The following UNC5B variants were observed in gnomAD, a reference collection of about 807,000 sequenced individuals.
UNC5B encodes unc-5 netrin receptor B, also known as netrin receptor UNC5B.
Under a neutral mutation model 103.7 loss-of-function variants are expected in UNC5B, and 56 were observed. That is an observed-to-expected ratio of 0.54 (90% confidence interval 0.44 to 0.67). The LOEUF (loss-of-function observed/expected upper bound fraction) is 0.67, where lower values mean the gene tolerates loss of function less well. UNC5B is among the 30% of genes least tolerant of loss of function. UNC5B has a pLI of 0.00. For synonymous variants in UNC5B, 577 were observed against 542.0 expected (o/e 1.06, Z -0.90); for missense variants, 1,194 against 1,284.5 (o/e 0.93, Z 1.08).
At chr10:71,286,190 C>T (rs563156641) in intron 4 of UNC5B, among the ~76,000 whole-genome samples, 12 of 152,290 alleles carry the variant, frequency 7.9e-5, no homozygotes, top group African/African-American at 2.9e-4. Flanking sequence ...CCAGTGGCCA[C>T]CTAGGGTGAG....
At chr10:71,251,084 C>T (rs1264047146) in intron 1 of UNC5B, among the ~76,000 whole-genome samples, 1 of 152,132 alleles carries the variant, frequency 6.6e-6, no homozygotes. Flanking sequence ...AGTAGTTGTA[C>T]CAAGGTATTG....
chr10:71,225,655 C>A (rs1346056266), intron 1 of UNC5B, among the ~76,000 whole-genome samples: 2 of 152,212 alleles, frequency 1.3e-5, no homozygotes, highest in Non-Finnish European at 2.9e-5. Context: ...CAGGCAGGAC[C>A]AGCAGGGAGT....
At chr10:71,291,361 G>T (rs1459532323) in intron 9 of UNC5B, 71 bp from the exon 10 acceptor site, 1 of 1,523,232 alleles carries the variant, frequency 6.6e-7, no homozygotes, top group Admixed American at 2.1e-5. Context: ...ATTTGGGTGG[G>T]ATTTTGCAGT....
chr10:71,296,112 T>C (rs943693409), intron 14 of UNC5B, 152 bp downstream of exon 14: 3 of 1,206,080 alleles, frequency 2.5e-6, no homozygotes, highest in Non-Finnish European at 3.4e-6. Context: ...CCCCAGTCTC[T>C]AGGCTTTCAG....
intron 1 of UNC5B, among the ~76,000 whole-genome samples, chr10:71,258,208 C>T (rs1479875898): frequency 6.6e-6 from 1 of 152,232 alleles, no homozygotes; most frequent in Non-Finnish European, 1.5e-5. Context: ...ATGTTGGGCT[C>T]TTTCCACTGA....
At chr10:71,242,929 C>A (rs1843939053) in intron 1 of UNC5B, among the ~76,000 whole-genome samples, 1 of 152,158 alleles carries the variant, frequency 6.6e-6, no homozygotes, top group Non-Finnish European at 1.5e-5. Flanking sequence ...GGACCTCAGC[C>A]CACCCATTCA....
At chr10:71,293,282 G>T in intron 11 of UNC5B, 123 bp from the exon 12 acceptor site, 1 of 1,126,720 alleles carries the variant, frequency 8.9e-7, no homozygotes, top group Non-Finnish European at 1.2e-6. Flanking sequence ...GGAATGCAGA[G>T]CCCTGAGTGG....
intron 1 of UNC5B, among the ~76,000 whole-genome samples, chr10:71,244,793 C>T (rs111237858): frequency 5.3e-5 from 8 of 152,194 alleles, no homozygotes; most frequent in African/African-American, 1.9e-4. Context: ...TGCATGCATG[C>T]CTGTGTGCGC....
At chr10:71,275,763 C>A (rs1844755272) in intron 1 of UNC5B, among the ~76,000 whole-genome samples, 1 of 152,050 alleles carries the variant, frequency 6.6e-6, no homozygotes, top group South Asian at 2.1e-4. Context: ...CATCAGCACA[C>A]TCACAGGGAA....
chr10:71,216,899 C>T (rs1843341449), intron 1 of UNC5B, among the ~76,000 whole-genome samples: 2 of 152,244 alleles, frequency 1.3e-5, no homozygotes, highest in East Asian at 1.9e-4. Context: ...ACCTCCCTCC[C>T]CCAGGGCCTG....
rs1234572603 is a variant in UNC5B, at chr10:71,293,704, T to C, written c.1946T>C (p.Val649Ala). The C allele has an allele frequency of 1.9e-6, 3 of 1,590,776 alleles. No homozygotes were observed. In the South Asian group the frequency reaches 3.4e-5, roughly 18 times the overall value. ...CACCCTTGCTGTCCCCTACAGGAGG[T>C]GGTGACCCTGGATGAGGAGACCCTG... ...TQAHQGHWEE[V>A]VTLDEETLNT... Residue 649 changes from valine (V) to alanine (A), a missense_variant, in exon 13 of 17, where the codon GTG becomes GCG. Val to Ala is a moderately conservative substitution (Grantham distance 64, BLOSUM62 0). Transcript: ENST00000335350.
At position 71,296,661 on chromosome 10, in the gene UNC5B, C is replaced by T; in HGVS notation, c.2409C>T (p.Ser803=). The change falls in exon 15 of 17, where the codon TCC becomes TCT. Residue 803 remains serine, a synonymous_variant. Transcript: ENST00000335350. ...TFTLERHSLA[S]TELTCKICVR... ...CCCTGGAGAGGCACAGCTTGGCCTC[C>T]ACAGAGCTCACCTGCAAGATCTGCG... The T allele has an allele frequency of 6.2e-7, 1 of 1,614,036 alleles. No homozygotes were observed. The highest frequency in any genetic ancestry group is 8.5e-7 in the Non-Finnish European group (1 of 1,180,000).
intron 16 of UNC5B, 142 bp from the exon 17 acceptor site, chr10:71,298,970 G>A: frequency 2.8e-6 from 3 of 1,078,456 alleles, no homozygotes; most frequent in East Asian, 4.8e-5. Context: ...ACAGACTGCA[G>A]CACAGTAGCT....
intron 1 of UNC5B, among the ~76,000 whole-genome samples, chr10:71,265,954 A>G (rs916238412): frequency 3.3e-5 from 5 of 152,238 alleles, no homozygotes; most frequent in East Asian, 1.9e-4. Context: ...AGGTGCACCT[A>G]TTCTACAGAG....
intron 8 of UNC5B, among the ~76,000 whole-genome samples, chr10:71,289,670 G>A (rs1174065005): frequency 6.6e-6 from 1 of 152,268 alleles, no homozygotes; most frequent in Non-Finnish European, 1.5e-5. Context: ...GATGATTCAA[G>A]TGTAAGTCAC....
intron 1 of UNC5B, among the ~76,000 whole-genome samples, chr10:71,275,261 A>G (rs1456019154): frequency 1.3e-5 from 2 of 152,252 alleles, no homozygotes; most frequent in South Asian, 2.1e-4. Context: ...CTCTTGGGAA[A>G]AAACACTTCA....
chr10:71,269,988 G>A lies in UNC5B; in HGVS notation c.80-9833G>A, dbSNP rs369470651. Among the ~76,000 whole-genome samples, 11 of 152,248 alleles carry A rather than the reference G, an allele frequency of 7.2e-5. No homozygotes were observed. The East Asian group carries it at 1.4e-3, about 19-fold the overall frequency. On this transcript the variant is annotated intron_variant, in intron 1 of 16. Coordinates refer to ENST00000335350, the MANE Select transcript of UNC5B (RefSeq NM_170744.5). Reference sequence around the variant, plus strand: ...TCCAAAACAAGAGACCAGCAGAGGCGCTGAGGCTAGAACAAGCAAGGCATG... The same window carrying A: ...TCCAAAACAAGAGACCAGCAGAGGCACTGAGGCTAGAACAAGCAAGGCATG...
intron 16 of UNC5B, among the ~76,000 whole-genome samples, 198 bp from the exon 17 acceptor site, chr10:71,298,914 G>A (rs1845515557): frequency 1.3e-5 from 2 of 152,222 alleles, no homozygotes; most frequent in African/African-American, 4.8e-5. Flanking sequence ...TTAGAGACAA[G>A]GAGACTGAGA....
intron 16 of UNC5B, 78 bp downstream of exon 16, chr10:71,298,168 CT>C: frequency 6.7e-7 from 1 of 1,485,846 alleles, no homozygotes; most frequent in South Asian, 1.3e-5. Context: ...GGCAGGCAGC[CT>C]GACAGCCACG....
Sources: allele counts gnomAD v4.1 joint callset (sites outside exome capture counted in the v4.1 genomes callset), GRCh38; gene constraint gnomAD v4.1.1; transcripts MANE v1.5; gene names NCBI Gene and HGNC (gene_info 2026-07-23, HGNC 2026-07-21).